The following SYNPR variants were observed in gnomAD, a reference collection of about 807,000 sequenced individuals.
SYNPR encodes synaptoporin.
Under a neutral mutation model 32.9 loss-of-function variants are expected in SYNPR, and 23 were observed. The ratio of observed to expected loss-of-function variants is 0.70; its 90% CI spans 0.50 to 0.99. The LOEUF (loss-of-function observed/expected upper bound fraction) is 0.99. SYNPR is among the 50% of genes least tolerant of loss of function. The pLI is 0.00. For missense variants in SYNPR, 318 were observed against 349.3 expected, an observed-to-expected ratio of 0.91 and a Z score of 0.71; for synonymous variants, 146 against 135.9, an observed-to-expected ratio of 1.07 and a Z score of -0.52.
intron 2 of SYNPR, chr3:63,330,385 C>G (rs1248550931): frequency 6.6e-6 from 1 of 152,112 alleles, no homozygotes; most frequent in Non-Finnish European, 1.5e-5. Context: ...CAAATTCCTA[C>G]TCAATCTGTG....
intron 2 of SYNPR, among the ~76,000 whole-genome samples, chr3:63,279,783 A>G (rs1185745430): frequency 1.3e-5 from 2 of 152,196 alleles, no homozygotes; most frequent in African/African-American, 4.8e-5. Context: ...CATAACTGTG[A>G]TGATTGTTTA....
upstream of SYNPR, among the ~76,000 whole-genome samples, chr3:63,224,112 G>A (rs751410158): frequency 7.2e-5 from 11 of 152,178 alleles, no homozygotes; most frequent in Non-Finnish European, 1.3e-4. Flanking sequence ...ATAACAGAAT[G>A]GACCAGTACT....
chr3:63,411,851 A>G (rs1158183453), intron 2 of SYNPR, among the ~76,000 whole-genome samples: 2 of 152,170 alleles, frequency 1.3e-5, no homozygotes, highest in Admixed American at 6.6e-5. Context: ...TAAAATCAGT[A>G]GGAGGCTATT....
intron 2 of SYNPR, chr3:63,444,485 C>G (rs548227922): frequency 6.6e-6 from 1 of 152,016 alleles, no homozygotes; most frequent in South Asian, 2.1e-4. Flanking sequence ...CATGGTGAAA[C>G]GAGCTGGAGA....
intron 2 of SYNPR, among the ~76,000 whole-genome samples, chr3:63,465,454 T>C (rs1413920483): frequency 6.6e-6 from 1 of 152,118 alleles, no homozygotes; most frequent in Non-Finnish European, 1.5e-5. Context: ...CTATATATAT[T>C]GAACAAAAAA....
chr3:63,361,534 C>T (rs1015329547), intron 2 of SYNPR, among the ~76,000 whole-genome samples: 9 of 146,880 alleles, frequency 6.1e-5, no homozygotes, highest in African/African-American at 1.8e-4. Flanking sequence ...GGAGGCGGAG[C>T]TTGCAGTGAG....
At chr3:63,462,767 C>T (rs2106658405) in intron 2 of SYNPR, among the ~76,000 whole-genome samples, 1 of 152,286 alleles carries the variant, frequency 6.6e-6, no homozygotes, top group African/African-American at 2.4e-5. Context: ...TTGTTATTTG[C>T]ATACTTCAGT....
At chr3:63,382,548 G>A (rs1234102412) in intron 2 of SYNPR, among the ~76,000 whole-genome samples, 1 of 152,146 alleles carries the variant, frequency 6.6e-6, no homozygotes, top group East Asian at 1.9e-4. Flanking sequence ...GGCTTTTGTT[G>A]GAACTTTGTC....
intron 2 of SYNPR, among the ~76,000 whole-genome samples, chr3:63,283,540 C>A (rs72499055): frequency 0.047 from 7,150 of 151,380 alleles, 240 homozygotes; most frequent in Middle Eastern, 0.096. Flanking sequence ...TTGGAAATGG[C>A]AAAATGTATA....
chr3:63,489,641 C>G (rs187829640), intron 3 of SYNPR, among the ~76,000 whole-genome samples: 138 of 152,276 alleles, frequency 9.1e-4, no homozygotes, highest in African/African-American at 3.0e-3. Context: ...GTAGACACGA[C>G]TGCTTCCCTC....
chr3:63,382,277 G>C (rs1000588248), intron 2 of SYNPR, among the ~76,000 whole-genome samples: 15 of 152,190 alleles, frequency 9.9e-5, no homozygotes, highest in African/African-American at 2.9e-4. Context: ...CTGCCCAAAG[G>C]CATGAAAGTT....
chr3:63,208,817 G>C, the SYNPR span, among the ~76,000 whole-genome samples: 3 of 152,114 alleles, frequency 2.0e-5, no homozygotes, highest in Non-Finnish European at 4.4e-5. Context: ...GGCATAGCCG[G>C]TTAGTAAGAA....
chr3:63,516,671 C>A (rs1196990384), intron 3 of SYNPR, among the ~76,000 whole-genome samples: 1 of 152,066 alleles, frequency 6.6e-6, no homozygotes, highest in Non-Finnish European at 1.5e-5. Flanking sequence ...TATTTGACAC[C>A]AAAGACTACG....
At chr3:63,249,228 G>A (rs1406613651) in intron 1 of SYNPR, among the ~76,000 whole-genome samples, 1 of 152,034 alleles carries the variant, frequency 6.6e-6, no homozygotes, top group African/African-American at 2.4e-5. Flanking sequence ...TGGAAAATCA[G>A]AAAACCAAGA....
chr3:63,561,106 C>T (rs769923906), intron 4 of SYNPR, among the ~76,000 whole-genome samples: 6 of 152,202 alleles, frequency 3.9e-5, no homozygotes, highest in East Asian at 1.9e-4. Context: ...TTAAGAAATC[C>T]GATACCCTTC....
At chr3:63,393,137 A>G (rs2088161965) in intron 2 of SYNPR, among the ~76,000 whole-genome samples, 1 of 152,160 alleles carries the variant, frequency 6.6e-6, no homozygotes, top group Admixed American at 6.5e-5. Context: ...CACCTAAAGC[A>G]CTCATTGAAA....
intron 2 of SYNPR, among the ~76,000 whole-genome samples, chr3:63,292,203 G>T (rs1180582666): frequency 6.6e-6 from 1 of 152,152 alleles, no homozygotes; most frequent in Non-Finnish European, 1.5e-5. Flanking sequence ...ATTTTAACTT[G>T]CTAGTGCTTT....
intron 2 of SYNPR, among the ~76,000 whole-genome samples, chr3:63,471,036 T>G (rs1025830980): frequency 6.6e-6 from 1 of 152,236 alleles, no homozygotes; most frequent in Non-Finnish European, 1.5e-5. Context: ...GTAAGTAACT[T>G]GGAGTTTTCC....
intron 4 of SYNPR, among the ~76,000 whole-genome samples, chr3:63,605,054 G>A (rs766097465): frequency 3.3e-5 from 5 of 152,086 alleles, no homozygotes; most frequent in Non-Finnish European, 5.9e-5. Context: ...GCACCTCTCT[G>A]CCAAGAACCA....
Sources: allele counts gnomAD v4.1 joint callset (sites outside exome capture counted in the v4.1 genomes callset), GRCh38; gene constraint gnomAD v4.1.1; transcripts MANE v1.5; gene names NCBI Gene and HGNC (gene_info 2026-07-23, HGNC 2026-07-21).